Variants in YJEFN3 observed in about 807,000 individuals in gnomAD.
YJEFN3 encodes yjeF N-terminal domain-containing protein 3.
Under a neutral mutation model 31.5 loss-of-function variants are expected in YJEFN3, and 29 were observed. The ratio of observed to expected loss-of-function variants is 0.92; its 90% CI spans 0.69 to 1.26. YJEFN3 has a LOEUF of 1.26. YJEFN3 is among the 50% of genes most tolerant of loss of function. YJEFN3 has a pLI of 0.00. For missense variants in YJEFN3, 442 were observed against 425.4 expected (o/e 1.04, Z -0.34); for synonymous variants, 227 against 196.1 (o/e 1.16, Z -1.32).
intron 3 of YJEFN3, chr19:19,533,176 C>T: frequency 1.0e-6 from 1 of 998,088 alleles, no homozygotes; most frequent in Non-Finnish European, 1.2e-6. Context: ...AGAGCTGCAA[C>T]CCAGGTGTGT....
chr19:19,532,587 CTGTCTCTGTG>C lies in YJEFN3; in HGVS notation c.210-36_210-27del, dbSNP rs746931529. 20 of 1,344,502 alleles carry C rather than the reference CTGTCTCTGTG, an allele frequency of 1.5e-5. No individual in the cohort carries two copies. In the African/African-American group the frequency reaches 1.8e-4, roughly 12 times the overall value. The allele number at this position is 1,344,502 out of a possible 1,614,324, so 83.3% of individuals were successfully genotyped here. ...AACATTTCTGGCTCCATCTGAGGCT[CTGTCTCTGTG>C]TGTCTCTGAGTGTCCCATCCCACTC... is the stretch of plus-strand genomic sequence containing the variant. On this transcript the variant is annotated intron_variant, in intron 2 of 6. Transcript: ENST00000514277.
chr19:19,536,492 C>T (rs776519286), intron 6 of YJEFN3, among the ~76,000 whole-genome samples: 2 of 151,910 alleles, frequency 1.3e-5, no homozygotes, highest in Non-Finnish European at 2.9e-5. Flanking sequence ...ACCAGCCTGG[C>T]CAACATGGCG....
chr19:19,532,626 C>A lies in YJEFN3; in HGVS notation c.210-6C>A, dbSNP rs1183933264. ...CTCTGAGTGTCCCATCCCACTCTGT[C>A]CCCAGCACCGCGGAGGCAGCCGCCC... On this transcript the variant is annotated splice_polypyrimidine_tract_variant and splice_region_variant and intron_variant, in intron 2 of 6. Coordinates refer to ENST00000514277, the MANE Select transcript of YJEFN3 (RefSeq NM_198537.4). 3.2e-6 allele frequency: 5 copies of A among 1,539,120 alleles called. No individual in the cohort carries two copies. The highest frequency in any genetic ancestry group is 4.4e-6 in the Non-Finnish European group (5 of 1,146,488).
chr19:19,535,666 G>A lies in YJEFN3; in HGVS notation c.681G>A (p.Leu227=). The A allele has an allele frequency of 6.4e-7, 1 of 1,563,802 alleles. No homozygotes were observed. The highest frequency in any genetic ancestry group is 1.2e-5 in the South Asian group (1 of 85,976). The part of the protein sequence containing the change: ...LKLLSIPLVS[L]DIPSGWDAET... ...TGCTGTCCATCCCCCTCGTGAGCCT[G>A]GACATCCCCTCAGGCATGCCAGGCA... The change falls in exon 6 of 7, where the codon CTG becomes CTA. Residue 227 remains leucine, a synonymous_variant. Transcript: ENST00000514277.
rs568922370 is a variant in YJEFN3 at position 19,535,580 on chromosome 19, C to T, written c.595C>T (p.Pro199Ser). 9 of 1,582,282 alleles carry T rather than the reference C, an allele frequency of 5.7e-6. No homozygotes were observed. Among genetic ancestry groups the T allele is most frequent in the South Asian group, 1.2e-5 (1 of 86,846 alleles). ...GCTGGTGGTGGATGCCGTACTGGGC[C>T]CCGGCGTGGAGCCGGGCGAGGTCGG... ...YGLVVDAVLG[P>S]GVEPGEVGGP... The change falls in exon 6 of 7, where the codon CCC becomes TCC. Residue 199 changes from proline to serine, a missense_variant. Physicochemically the swap from Pro to Ser is moderately conservative, Grantham distance 74. Coordinates refer to ENST00000514277, the MANE Select transcript of YJEFN3 (RefSeq NM_198537.4).
Position 19,535,380 on chromosome 19 carries a change from T to C in YJEFN3, c.473T>C (p.Leu158Pro), listed in dbSNP as rs1479748004. The change falls in exon 5 of 7, where the codon CTG (leucine) becomes CCG (proline). Residue 158 changes from leucine (L) to proline (P), a missense_variant. Leu to Pro is a moderately conservative substitution (Grantham distance 98). Transcript: ENST00000514277. ...TTCTACCCCACACGCTCGCTGGACC[T>C]GCTGCATCGGGACCTGACCACCCAG... is the stretch of plus-strand genomic sequence containing the variant. ...TIFYPTRSLD[L>P]LHRDLTTQCE... 3 of 1,613,902 alleles carry C rather than the reference T, an allele frequency of 1.9e-6. No homozygotes were observed. Among genetic ancestry groups the C allele is most frequent in the Non-Finnish European group, 2.5e-6 (3 of 1,180,002 alleles).
chr19:19,535,411 G>C lies in YJEFN3; in HGVS notation c.504G>C (p.Glu168Asp), dbSNP rs1219129033. 4 of 1,613,914 alleles carry C rather than the reference G, an allele frequency of 2.5e-6. No individual in the cohort carries two copies. Among genetic ancestry groups the C allele is most frequent in the Non-Finnish European group, 3.4e-6 (4 of 1,180,016 alleles). Residue 168 changes from glutamate to aspartate, a missense_variant, in exon 5 of 7, where the codon GAG becomes GAC. By Grantham distance (45) the Glu-to-Asp change is conservative. Coordinates refer to ENST00000514277, the MANE Select transcript of YJEFN3 (RefSeq NM_198537.4). Reference sequence around the variant, plus strand: ...ATCGGGACCTGACCACCCAGTGCGAGAAGATGGACATCCCCTTCCTGAGCT... The same window carrying C: ...ATCGGGACCTGACCACCCAGTGCGACAAGATGGACATCCCCTTCCTGAGCT... Reference protein sequence around the residue: ...LLHRDLTTQCEKMDIPFLSYL... With the variant: ...LLHRDLTTQCDKMDIPFLSYL...
chr19:19,531,210 A>G (rs1046880606), intron 2 of YJEFN3, among the ~76,000 whole-genome samples: 1 of 152,192 alleles, frequency 6.6e-6, no homozygotes, highest in Non-Finnish European at 1.5e-5. Context: ...AAAGAGTCTC[A>G]GGATTCATCC....
In YJEFN3 at chr19:19,534,048, G is replaced by T; in HGVS notation, c.319-986G>T. 2 of 985,642 alleles carry T rather than the reference G, an allele frequency of 2.0e-6. No individual in the cohort carries two copies. Among genetic ancestry groups the T allele is most frequent in the Non-Finnish European group, 2.4e-6 (2 of 830,056 alleles). 61.1% of individuals were successfully genotyped at this position (985,642 alleles called of 1,614,324 possible). On this transcript the variant is annotated intron_variant, in intron 3 of 6. Transcript: ENST00000514277. This position sits in a 1 kb window ranked among gnomAD's most constrained non-coding sequence, Gnocchi z 4.6. ...AGCTGGGGCTCAAGAGACACCCAGA[G>T]TGCCTGTCAGGCGGTGGCACTGTCA...
chr19:19,532,449 A>G (rs1460693485), intron 2 of YJEFN3, among the ~76,000 whole-genome samples, 183 bp from the exon 3 acceptor site: 3 of 152,190 alleles, frequency 2.0e-5, no homozygotes, highest in Non-Finnish European at 2.9e-5. Flanking sequence ...GCCTCGATTC[A>G]ACCCGCGCGT....
In YJEFN3 at chr19:19,532,629, C is replaced by T; in HGVS notation, c.210-3C>T. 4 of 1,543,232 alleles carry T rather than the reference C, an allele frequency of 2.6e-6. No individual in the cohort carries two copies. Among genetic ancestry groups the T allele is most frequent in the Non-Finnish European group, 3.5e-6 (4 of 1,149,360 alleles). On this transcript the variant is annotated splice_polypyrimidine_tract_variant and splice_region_variant and intron_variant, in intron 2 of 6. Transcript: ENST00000514277. ...TGAGTGTCCCATCCCACTCTGTCCC[C>T]AGCACCGCGGAGGCAGCCGCCCTGG...
intron 3 of YJEFN3, chr19:19,533,762 G>C: frequency 1.0e-6 from 1 of 985,426 alleles, no homozygotes; most frequent in African/African-American, 1.7e-5. Flanking sequence ...GCGCCCAAAG[G>C]AGAAGGAAAA....
chr19:19,537,407 C>T lies in YJEFN3; in HGVS notation c.783C>T (p.Gly261=), dbSNP rs767627071. 2 of 1,591,906 alleles carry T rather than the reference C, an allele frequency of 1.3e-6. No homozygotes were observed. The change falls in exon 7 of 7, where the codon GGC becomes GGT. Residue 261 remains glycine, a synonymous_variant. Transcript: ENST00000514277. ...TCGCGGCGCCCAAGCGCTGCGCTGG[C>T]CGCTTCTCCGGGCGCCACCACTTCG... ...VSLAAPKRCA[G]RFSGRHHFVA... is the part of the protein sequence containing the mutation.
At chr19:19,536,383 A>G (rs2144669366) in intron 6 of YJEFN3, among the ~76,000 whole-genome samples, 1 of 152,318 alleles carries the variant, frequency 6.6e-6, no homozygotes, top group South Asian at 2.1e-4. Flanking sequence ...GTGGAGGCTC[A>G]TTCAAGAGGT....
In YJEFN3 at chr19:19,535,101, A is replaced by C. The variant is rs762016051; in HGVS notation, c.386A>C (p.Asn129Thr). ...TVLVVCGPEQ[N>T]GAVGLVCARH... Reference sequence around the variant, plus strand: ...CTGGTCGTGTGTGGCCCGGAGCAGAACGGGGCAGTGGGGCTGGTCTGTGCC... The same window carrying C: ...CTGGTCGTGTGTGGCCCGGAGCAGACCGGGGCAGTGGGGCTGGTCTGTGCC... The change falls in exon 4 of 7, where the codon AAC (asparagine) becomes ACC (threonine). Residue 129 changes from asparagine (N) to threonine (T), a missense_variant. By Grantham distance (65) the Asn-to-Thr change is moderately conservative. Coordinates refer to ENST00000514277, the MANE Select transcript of YJEFN3 (RefSeq NM_198537.4). The C allele has an allele frequency of 6.2e-7, 1 of 1,612,118 alleles. No individual in the cohort carries two copies. The highest frequency in any genetic ancestry group is 1.3e-5 in the African/African-American group (1 of 74,986).
Position 19,529,431 on chromosome 19 carries a change from T to G in YJEFN3, c.127T>G (p.Ser43Ala). 1 of 1,613,760 alleles carries G rather than the reference T, an allele frequency of 6.2e-7. No individual in the cohort carries two copies. The highest frequency in any genetic ancestry group is 1.1e-5 in the South Asian group (1 of 91,054). ...GGAGCTTAGCTCAAATGCTACCACC[T>G]CCCTTGTCCAGAGGAGGAAACAGGC... ...RAELSSNATT[S>A]LVQRRKQAWG... The change falls in exon 2 of 7, where the codon TCC becomes GCC. Residue 43 changes from serine to alanine, a missense_variant. Ser to Ala is a moderately conservative substitution (Grantham distance 99). Transcript: ENST00000514277.
intron 2 of YJEFN3, among the ~76,000 whole-genome samples, chr19:19,529,776 G>A (rs1256635290): frequency 6.6e-6 from 1 of 152,150 alleles, no homozygotes; most frequent in East Asian, 1.9e-4. Context: ...CAAATGCTAA[G>A]TGAGGGGAGT....
At position 19,535,680 on chromosome 19, in the gene YJEFN3, G is replaced by A. The variant is rs1355512024; in HGVS notation, c.694+1G>A. The stretch of plus-strand genomic sequence containing the variant: ...CTCGTGAGCCTGGACATCCCCTCAG[G>A]CATGCCAGGCAGAGGGGGGCACATT... On this transcript the variant is annotated splice_donor_variant, in intron 6 of 6. Transcript: ENST00000514277. LOFTEE classifies it high-confidence loss of function. The A allele has an allele frequency of 6.4e-7, 1 of 1,552,418 alleles. No homozygotes were observed. The highest frequency in any genetic ancestry group is 8.7e-7 in the Non-Finnish European group (1 of 1,150,064).
rs571587797 is a variant in YJEFN3 at position 19,530,017 on chromosome 19, C to T, written c.209+504C>T. Among the ~76,000 whole-genome samples, 263 of 152,262 alleles carry T rather than the reference C, an allele frequency of 1.7e-3. 2 individuals carry two copies. The South Asian group carries it at 0.023, about 13-fold the overall frequency. On this transcript the variant is annotated intron_variant, in intron 2 of 6. Coordinates refer to ENST00000514277, the MANE Select transcript of YJEFN3 (RefSeq NM_198537.4). ...TTTGGGGGCAGGAGGCTGCTGTGTGCGGCCAGGTGATCCCCCGTGGTGGTC... is the reference window on the plus strand; with the variant it reads ...TTTGGGGGCAGGAGGCTGCTGTGTGTGGCCAGGTGATCCCCCGTGGTGGTC...
Sources: allele counts gnomAD v4.1 joint callset (sites outside exome capture counted in the v4.1 genomes callset), GRCh38; gene constraint gnomAD v4.1.1; non-coding constraint Gnocchi (gnomAD v3.1); transcripts MANE v1.5; gene names NCBI Gene and HGNC (gene_info 2026-07-23, HGNC 2026-07-21).